The following CLSTN2 variants were observed in gnomAD, a reference collection of about 807,000 sequenced individuals.
CLSTN2 encodes the protein calsyntenin-2.
Under a neutral mutation model 101.2 loss-of-function variants are expected in CLSTN2, and 48 were observed. The observed-to-expected ratio is 0.47, with a 90% CI of 0.38 to 0.60. CLSTN2 has a LOEUF of 0.60. Among genes scored for constraint, CLSTN2 ranks in the 20% least tolerant of loss-of-function variants. The probability of loss-of-function intolerance (pLI) is 0.00; values close to 1 mark genes in which losing one functional copy is unlikely to be tolerated. For synonymous variants in CLSTN2, 481 were observed against 463.6 expected, an observed-to-expected ratio of 1.04 and a Z score of -0.48; for missense variants, 1,160 against 1,238.2, an observed-to-expected ratio of 0.94 and a Z score of 0.95.
Position 139,997,062 on chromosome 3 carries a change from A to G in CLSTN2, c.109+61579A>G, listed in dbSNP as rs7433611. Among the ~76,000 whole-genome samples the G allele has an allele frequency of 1.2e-3, 172 of 148,754 alleles. 1 individual carries two copies. The highest frequency in any genetic ancestry group is 1.9e-3 in the South Asian group (9 of 4,758). ...GACTCTGTCTCAAAAAAAAAAAAAA[A>G]AAAAGAAAAGGAAATACCTGATCGT... On this transcript the variant is annotated intron_variant, in intron 1 of 16. Transcript: ENST00000458420.
At chr3:140,520,314 T>A (rs1323999889) in intron 8 of CLSTN2, among the ~76,000 whole-genome samples, 1 of 152,190 alleles carries the variant, frequency 6.6e-6, no homozygotes, top group Non-Finnish European at 1.5e-5. Flanking sequence ...TGAGACTGGA[T>A]AATTTATAAA....
chr3:139,994,996 C>T (rs9845932), intron 1 of CLSTN2, among the ~76,000 whole-genome samples: 45,541 of 152,156 alleles, frequency 0.3, 8,434 homozygotes, highest in South Asian at 0.42. Flanking sequence ...CCATGCATCA[C>T]GGGTGCCTCA....
At chr3:140,169,942 C>T (rs1029914860) in intron 1 of CLSTN2, among the ~76,000 whole-genome samples, 1 of 152,084 alleles carries the variant, frequency 6.6e-6, no homozygotes, top group African/African-American at 2.4e-5. Flanking sequence ...AAATAAGTAT[C>T]TTCATTTTAC....
chr3:140,146,901 T>C (rs2009788651), intron 1 of CLSTN2, among the ~76,000 whole-genome samples: 1 of 152,242 alleles, frequency 6.6e-6, no homozygotes, highest in South Asian at 2.1e-4. Flanking sequence ...CATGCATTTA[T>C]TCTTCAACCC....
At chr3:140,546,022 C>T (rs1935576831) in intron 9 of CLSTN2, among the ~76,000 whole-genome samples, 1 of 152,194 alleles carries the variant, frequency 6.6e-6, no homozygotes, top group African/African-American at 2.4e-5. Flanking sequence ...TGAGGTCAGA[C>T]AGACCAGAAC....
chr3:140,447,233 CA>C (rs1933103790), intron 5 of CLSTN2, among the ~76,000 whole-genome samples: 1 of 152,246 alleles, frequency 6.6e-6, no homozygotes, highest in Admixed American at 6.5e-5. Flanking sequence ...ATGTGACAAA[CA>C]TTTGGGATTA....
At chr3:140,059,885 T>C (rs1342097610) in intron 1 of CLSTN2, among the ~76,000 whole-genome samples, 1 of 152,160 alleles carries the variant, frequency 6.6e-6, no homozygotes, top group Non-Finnish European at 1.5e-5. Flanking sequence ...AAAGACCTCA[T>C]TCAAGACATT....
chr3:140,496,279 G>A (rs1231669374), intron 8 of CLSTN2, among the ~76,000 whole-genome samples: 1 of 152,142 alleles, frequency 6.6e-6, no homozygotes, highest in Non-Finnish European at 1.5e-5. Flanking sequence ...TGTTCTTGGT[G>A]TATAGGAATG....
intron 2 of CLSTN2, among the ~76,000 whole-genome samples, chr3:140,224,431 G>C (rs2086301611): frequency 6.6e-6 from 1 of 152,116 alleles, no homozygotes; most frequent in African/African-American, 2.4e-5. Flanking sequence ...ATATGAGCAG[G>C]GACTGTCCTA....
chr3:140,034,748 C>T (rs1021775237), intron 1 of CLSTN2, among the ~76,000 whole-genome samples: 1 of 152,214 alleles, frequency 6.6e-6, no homozygotes, highest in Non-Finnish European at 1.5e-5. Flanking sequence ...CCTCCAACCT[C>T]CTCACTCTGT....
chr3:140,300,067 C>T (rs2087043698), intron 2 of CLSTN2, among the ~76,000 whole-genome samples: 1 of 152,192 alleles, frequency 6.6e-6, no homozygotes, highest in Non-Finnish European at 1.5e-5. Flanking sequence ...CTCTTGGCTC[C>T]CTCACTGGGA....
chr3:140,207,899 A>G (rs1017630697), intron 2 of CLSTN2, among the ~76,000 whole-genome samples: 1 of 152,096 alleles, frequency 6.6e-6, no homozygotes, highest in Non-Finnish European at 1.5e-5. Flanking sequence ...TTTGTTGGTT[A>G]TGGGGTGTGT....
chr3:140,040,876 T>C (rs1576406307), intron 1 of CLSTN2, among the ~76,000 whole-genome samples: 1 of 150,056 alleles, frequency 6.7e-6, no homozygotes, highest in Non-Finnish European at 1.5e-5. Context: ...GATCTGGCTG[T>C]TAGGAGGGCC....
intron 9 of CLSTN2, among the ~76,000 whole-genome samples, chr3:140,533,643 G>A (rs1935303894): frequency 6.6e-6 from 1 of 151,108 alleles, no homozygotes; most frequent in Admixed American, 6.6e-5. Flanking sequence ...CCCGGGAGGT[G>A]GAGCTCGCAG....
chr3:140,018,724 GTA>G (rs2007249118), intron 1 of CLSTN2, among the ~76,000 whole-genome samples: 1 of 152,166 alleles, frequency 6.6e-6, no homozygotes, highest in Non-Finnish European at 1.5e-5. Context: ...CAGTTTGTGT[GTA>G]AACAGCTGCA....
chr3:140,244,594 C>T (rs2086498968), intron 2 of CLSTN2, among the ~76,000 whole-genome samples: 1 of 152,296 alleles, frequency 6.6e-6, no homozygotes. Context: ...ATGCCTGGCA[C>T]ATACATAATA....
rs191735424 is a variant in CLSTN2, at chr3:140,479,193, A to G, written c.1344+12462A>G. ...GGAGACAAATTTTGGAATTCCTCCA[A>G]GAAGGGCTAGGTAAACATCTAGAGT... On this transcript the variant is annotated intron_variant, in intron 8 of 16. Coordinates refer to ENST00000458420, the MANE Select transcript of CLSTN2 (RefSeq NM_022131.3). Among the ~76,000 whole-genome samples the G allele has an allele frequency of 2.3e-3, 349 of 152,324 alleles. 2 individuals carry two copies. Among genetic ancestry groups the G allele is most frequent in the African/African-American group, 8.1e-3 (337 of 41,570 alleles).
At chr3:140,440,781 C>T (rs1226956068) in intron 5 of CLSTN2, among the ~76,000 whole-genome samples, 3 of 152,188 alleles carry the variant, frequency 2.0e-5, no homozygotes, top group African/African-American at 7.2e-5. Context: ...TAATTAATGT[C>T]CCCATTCTAT....
At chr3:140,192,138 ATC>A (rs774037586) in intron 2 of CLSTN2, among the ~76,000 whole-genome samples, 6 of 151,892 alleles carry the variant, frequency 4.0e-5, no homozygotes, top group South Asian at 2.1e-4. Context: ...TTGTCCTGTT[ATC>A]TCTCTATTAT....
Sources: allele counts gnomAD v4.1 joint callset (sites outside exome capture counted in the v4.1 genomes callset), GRCh38; gene constraint gnomAD v4.1.1; transcripts MANE v1.5; gene names NCBI Gene and HGNC (gene_info 2026-07-23, HGNC 2026-07-21).